The following PDCD10 variants were observed in gnomAD, a reference collection of about 807,000 sequenced individuals.
PDCD10 encodes programmed cell death protein 10.
A neutral mutation model predicts 29.2 loss-of-function variants in PDCD10; 4 were observed. The ratio of observed to expected loss-of-function variants is 0.14; its 90% confidence interval spans 0.07 to 0.31. The LOEUF (loss-of-function observed/expected upper bound fraction) is 0.31. Among genes scored for constraint, PDCD10 ranks in the 10% least tolerant of loss-of-function variants. The pLI, the probability that PDCD10 is intolerant of heterozygous loss-of-function variation, is 1.00. For synonymous variants in PDCD10, 70 were observed against 82.2 expected, an observed-to-expected ratio of 0.85 and a Z score of 0.80; for missense variants, 183 against 257.9, an observed-to-expected ratio of 0.71 and a Z score of 1.99.
chr3:167,719,961 T>G, intron 3 of PDCD10, 101 bp downstream of exon 3: 1 of 873,902 alleles, frequency 1.1e-6, no homozygotes. Flanking sequence ...AAGAGTTCAT[T>G]CATGCTAGTA....
chr3:167,712,848 A>G (rs1410292139), intron 3 of PDCD10, among the ~76,000 whole-genome samples: 1 of 152,084 alleles, frequency 6.6e-6, no homozygotes, highest in Admixed American at 6.6e-5. Context: ...GACAAAAATT[A>G]TAAGGAGACA....
chr3:167,717,373 G>A (rs1355831735), intron 3 of PDCD10, among the ~76,000 whole-genome samples: 2 of 151,980 alleles, frequency 1.3e-5, no homozygotes, highest in African/African-American at 2.4e-5. Context: ...ACAATACACT[G>A]TAGACAAGAT....
At chr3:167,716,370 T>C (rs1723014197) in intron 3 of PDCD10, among the ~76,000 whole-genome samples, 1 of 151,938 alleles carries the variant, frequency 6.6e-6, no homozygotes, top group East Asian at 1.9e-4. Flanking sequence ...GTTACAATAG[T>C]CAACACTAAA....
At chr3:167,733,660 CATT>C (rs1360336839) in intron 2 of PDCD10, among the ~76,000 whole-genome samples, 3 of 152,130 alleles carry the variant, frequency 2.0e-5, no homozygotes, top group African/African-American at 7.2e-5. Context: ...CCTAACGCTA[CATT>C]ATTTGAAAAA....
intron 6 of PDCD10, among the ~76,000 whole-genome samples, chr3:167,691,132 T>C (rs895186140): frequency 6.6e-6 from 1 of 152,222 alleles, no homozygotes. Context: ...AATCATTTTC[T>C]ATTTTAGTGC....
At position 167,730,280 on chromosome 3, in the gene PDCD10, A is replaced by G. The variant is rs992044662; in HGVS notation, c.-117+3934T>C. On this transcript the variant is annotated intron_variant, in intron 2 of 8. Transcript: ENST00000392750. ...AGCTTACTATAATATTTCAAATGCA[A>G]TAACATAGATAACAATGACATTTAA... Among the ~76,000 whole-genome samples the G allele has an allele frequency of 1.2e-4, 19 of 152,186 alleles. No individual in the cohort carries two copies. The South Asian group carries it at 1.9e-3, about 15-fold the overall frequency.
chr3:167,708,934 G>T (rs1178477587), intron 3 of PDCD10, among the ~76,000 whole-genome samples: 1 of 152,064 alleles, frequency 6.6e-6, no homozygotes, highest in Non-Finnish European at 1.5e-5. Flanking sequence ...GAGTTGTTGA[G>T]ATAGTGAAGT....
chr3:167,723,378 G>A (rs1021847033), intron 2 of PDCD10, among the ~76,000 whole-genome samples: 1 of 152,054 alleles, frequency 6.6e-6, no homozygotes, highest in African/African-American at 2.4e-5. Context: ...ACCAAGTCCC[G>A]GCAGCTGGGT....
At chr3:167,703,047 T>G (rs1329818971) in intron 4 of PDCD10, among the ~76,000 whole-genome samples, 1 of 152,156 alleles carries the variant, frequency 6.6e-6, no homozygotes, top group Non-Finnish European at 1.5e-5. Flanking sequence ...ATTATTTTAT[T>G]TTATGAATGT....
rs528574350 is a variant in PDCD10 at position 167,683,969 on chromosome 3, C to T, written c.*339G>A. 99 of 240,164 alleles carry T rather than the reference C, an allele frequency of 4.1e-4. No individual in the cohort carries two copies. Among genetic ancestry groups the T allele is most frequent in the Non-Finnish European group, 6.2e-4 (74 of 118,730 alleles). 14.9% of individuals were successfully genotyped at this position (240,164 alleles called of 1,614,324 possible). On this transcript the variant is annotated 3_prime_UTR_variant, in exon 9 of 9. Coordinates refer to ENST00000392750, the MANE Select transcript of PDCD10 (RefSeq NM_007217.4). ...AAATATTGTTAAATACATTATCTTG[C>T]AGCATATCGCTTTCAAGTTAAAATG...
intron 6 of PDCD10, among the ~76,000 whole-genome samples, chr3:167,693,630 A>G (rs1720491989): frequency 6.6e-6 from 1 of 152,090 alleles, no homozygotes; most frequent in African/African-American, 2.4e-5. Context: ...AATTCCACTA[A>G]AAAACAACAT....
intron 2 of PDCD10, among the ~76,000 whole-genome samples, chr3:167,731,872 C>T (rs1474235869): frequency 6.6e-6 from 1 of 151,996 alleles, no homozygotes; most frequent in African/African-American, 2.4e-5. Flanking sequence ...TAAATTGAGA[C>T]GTGAAAACTG....
intron 4 of PDCD10, among the ~76,000 whole-genome samples, chr3:167,702,411 C>T (rs139350243): frequency 2.0e-5 from 3 of 152,220 alleles, no homozygotes; most frequent in East Asian, 1.9e-4. Context: ...TTTAAGAATA[C>T]AGTATGTAAT....
chr3:167,732,858 G>T (rs1335477013), intron 2 of PDCD10, among the ~76,000 whole-genome samples: 1 of 152,134 alleles, frequency 6.6e-6, no homozygotes, highest in African/African-American at 2.4e-5. Flanking sequence ...TCAGTTTACG[G>T]TCTACTTACA....
At chr3:167,727,283 G>C (rs1724288238) in intron 2 of PDCD10, among the ~76,000 whole-genome samples, 1 of 152,178 alleles carries the variant, frequency 6.6e-6, no homozygotes, top group African/African-American at 2.4e-5. Flanking sequence ...TAACAAAATA[G>C]TAACAATTGG....
intron 4 of PDCD10, among the ~76,000 whole-genome samples, chr3:167,702,406 G>T (rs1051006569): frequency 6.6e-6 from 1 of 152,122 alleles, no homozygotes; most frequent in Non-Finnish European, 1.5e-5. Flanking sequence ...GTGACTTTAA[G>T]AATACAGTAT....
At chr3:167,686,842 A>C (rs1321144319) in intron 8 of PDCD10, among the ~76,000 whole-genome samples, 1 of 152,220 alleles carries the variant, frequency 6.6e-6, no homozygotes, top group Non-Finnish European at 1.5e-5. Flanking sequence ...AGAATATTAT[A>C]TGACAGGTAA....
At chr3:167,724,663 A>G (rs1199997915) in intron 2 of PDCD10, among the ~76,000 whole-genome samples, 1 of 152,222 alleles carries the variant, frequency 6.6e-6, no homozygotes, top group Non-Finnish European at 1.5e-5. Flanking sequence ...TTCAAATAGC[A>G]TGCCTAGCAA....
intron 2 of PDCD10, among the ~76,000 whole-genome samples, chr3:167,724,922 C>G (rs1385131220): frequency 2.6e-5 from 4 of 152,126 alleles, no homozygotes. Context: ...TTTCAATTAA[C>G]TGACAATTCC....
Sources: allele counts gnomAD v4.1 joint callset (sites outside exome capture counted in the v4.1 genomes callset), GRCh38; gene constraint gnomAD v4.1.1; transcripts MANE v1.5; gene names NCBI Gene and HGNC (gene_info 2026-07-23, HGNC 2026-07-21).